Variants in CPT1C observed in about 807,000 individuals in gnomAD.
CPT1C encodes carnitine palmitoyltransferase 1C, also known as palmitoyl thioesterase CPT1C.
A neutral mutation model predicts 97.3 loss-of-function variants in CPT1C; 61 were observed. The observed-to-expected ratio is 0.63, with a 90% confidence interval of 0.51 to 0.78. The LOEUF (loss-of-function observed/expected upper bound fraction) is 0.78. CPT1C is among the 30% of genes least tolerant of loss of function. The probability of loss-of-function intolerance (pLI) is 0.00; values close to 1 mark genes in which losing one functional copy is unlikely to be tolerated. For synonymous variants in CPT1C, 469 were observed against 447.2 expected, an observed-to-expected ratio of 1.05 and a Z score of -0.61; for missense variants, 975 against 1,065.5, an observed-to-expected ratio of 0.92 and a Z score of 1.18.
At position 49,706,330 on chromosome 19, in the gene CPT1C, G is replaced by C. The variant is rs1417055006; in HGVS notation, c.1260G>C (p.Glu420Asp). 1.3e-6 allele frequency: 2 copies of C among 1,523,310 alleles called. No homozygotes were observed. The highest frequency in any genetic ancestry group is 2.9e-5 in the African/African-American group (2 of 69,920). The allele number at this position is 1,523,310 out of a possible 1,614,324, so 94.4% of individuals were successfully genotyped here. Reference protein sequence around the residue: ...GAAFFVSLDAEPAGLTREDPA... With the variant: ...GAAFFVSLDADPAGLTREDPA... ...CTTTCTTTGTGTCACTGGATGCTGA[G>C]CCCGCGGGGCTCACCAGGGAGGACC... is the stretch of plus-strand genomic sequence containing the variant. The change falls in exon 12 of 20, where the codon GAG (glutamate) becomes GAC (aspartate). Residue 420 changes from glutamate to aspartate, a missense_variant. This residue lies in a region of CPT1C where 596 missense variants were observed against 603.1 expected (regional missense o/e 0.99). Transcript: ENST00000598293. This position sits in a 1 kb window ranked among gnomAD's most constrained non-coding sequence, Gnocchi z 4.8.
At position 49,704,795 on chromosome 19, in the gene CPT1C, G is replaced by A; in HGVS notation, c.771+8G>A. On this transcript the variant is annotated splice_region_variant and intron_variant, in intron 8 of 19. Coordinates refer to ENST00000598293, the MANE Select transcript of CPT1C (RefSeq NM_001199753.2). ...AGCAACTATTACATGATGGTGAGAAGGGGAGGGGTGAGGTTCATAGGCCCC... is the reference window on the plus strand; with the variant it reads ...AGCAACTATTACATGATGGTGAGAAAGGGAGGGGTGAGGTTCATAGGCCCC... 1 of 1,613,656 alleles carries A rather than the reference G, an allele frequency of 6.2e-7. No homozygotes were observed.
At chr19:49,707,718 C>A in intron 13 of CPT1C, 95 bp downstream of exon 13, 1 of 772,398 alleles carries the variant, frequency 1.3e-6, no homozygotes, top group Non-Finnish European at 2.0e-6. Context: ...AAAACTGAGG[C>A]TTGGCCGGGC....
chr19:49,713,449 G>T lies in CPT1C; in HGVS notation c.2256G>T (p.Glu752Asp). ...TDSHRLGQHIEDALLDVASLF... is the reference protein window; with the variant it reads ...TDSHRLGQHIDDALLDVASLF... Reference sequence around the variant, plus strand: ...CCCACAGGCTGGGGCAGCACATTGAGGACGCACTGCTGGATGTGGCCTCCC... The same window carrying T: ...CCCACAGGCTGGGGCAGCACATTGATGACGCACTGCTGGATGTGGCCTCCC... The change falls in exon 20 of 20, where the codon GAG becomes GAT. Residue 752 changes from glutamate (E) to aspartate (D), a missense_variant. Physicochemically the swap from Glu to Asp is conservative, Grantham distance 45. Transcript: ENST00000598293. 6.2e-7 allele frequency: 1 copy of T among 1,613,936 alleles called. No homozygotes were observed. The highest frequency in any genetic ancestry group is 8.5e-7 in the Non-Finnish European group (1 of 1,179,880).
Position 49,694,675 on chromosome 19 carries a change from C to G in CPT1C, c.141+2282C>G, listed in dbSNP as rs192954572. ...GGTGGGAGCCGGCGGCCAGGAGGATCTCCTGAAGCTGGGATGCTTCAGCAG... is the reference window on the plus strand; with the variant it reads ...GGTGGGAGCCGGCGGCCAGGAGGATGTCCTGAAGCTGGGATGCTTCAGCAG... On this transcript the variant is annotated intron_variant, in intron 3 of 19. Transcript: ENST00000598293. 3.3e-5 allele frequency among the ~76,000 whole-genome samples: 5 copies of G among 150,624 alleles called. No homozygotes were observed. In the East Asian group the frequency reaches 9.8e-4, roughly 30 times the overall value.
Position 49,707,539 on chromosome 19 carries a change from C to G in CPT1C, c.1365C>G (p.Thr455=). 1 of 1,613,846 alleles carries G rather than the reference C, an allele frequency of 6.2e-7. No homozygotes were observed. Among genetic ancestry groups the G allele is most frequent in the South Asian group, 1.1e-5 (1 of 91,054 alleles). The change falls in exon 13 of 20, where the codon ACC becomes ACG. Residue 455 remains threonine (T), a synonymous_variant. Transcript: ENST00000598293. The part of the protein sequence containing the change: ...GHDRWFDKSF[T]LIVFSNGKLG... ...ACAGCTGGTTTGACAAATCCTTCAC[C>G]CTAATCGTCTTCTCTAACGGGAAGC...
Position 49,713,505 on chromosome 19 carries a change from G to T in CPT1C, c.2312G>T (p.Arg771Leu). The T allele has an allele frequency of 1.9e-6, 3 of 1,614,196 alleles. No individual in the cohort carries two copies. Among genetic ancestry groups the T allele is most frequent in the Non-Finnish European group, 2.5e-6 (3 of 1,180,034 alleles). ...LFQAGQHFKRRFRGSGKENSR... is the reference protein window; with the variant it reads ...LFQAGQHFKRLFRGSGKENSR... ...CAGGCGGGACAGCATTTTAAGCGCC[G>T]GTTCAGAGGGTCAGGGAAGGAGAAC... is the stretch of plus-strand genomic sequence containing the variant. Residue 771 changes from arginine (R) to leucine (L), a missense_variant, in exon 20 of 20, where the codon CGG (arginine) becomes CTG (leucine). Around this residue, in one of 3 missense-constraint regions of CPT1C, gnomAD observed 344 missense variants for 395.7 expected, o/e 0.87. Transcript: ENST00000598293.
chr19:49,712,912 G>C (rs775119048), intron 18 of CPT1C, 60 bp from the exon 19 acceptor site: 24 of 1,588,628 alleles, frequency 1.5e-5, no homozygotes, highest in Non-Finnish European at 2.0e-5. Context: ...CTGCACTCCT[G>C]CATAGTGGGG....
At chr19:49,695,424 C>T (rs1003133518) in intron 3 of CPT1C, among the ~76,000 whole-genome samples, 6 of 151,322 alleles carry the variant, frequency 4.0e-5, no homozygotes, top group Non-Finnish European at 8.8e-5. Context: ...GCTGAGATTA[C>T]AGGTGCCTGC....
At chr19:49,693,114 C>T (rs1313572340) in intron 3 of CPT1C, among the ~76,000 whole-genome samples, 1 of 152,218 alleles carries the variant, frequency 6.6e-6, no homozygotes. Context: ...TCTCGATCTC[C>T]TGACCTCAAG....
At position 49,710,436 on chromosome 19, in the gene CPT1C, C is replaced by G. The variant is rs1200769723; in HGVS notation, c.1683C>G (p.Leu561=). Reference sequence around the variant, plus strand: ...AGAGCTTCATCCGACGCTGCCACCTCTCTTCAGACAGCTTCATCCAGATCG... The same window carrying G: ...AGAGCTTCATCCGACGCTGCCACCTGTCTTCAGACAGCTTCATCCAGATCG... ...FGKSFIRRCH[L]SSDSFIQIAL... The change falls in exon 15 of 20, where the codon CTC becomes CTG. Residue 561 remains leucine, a synonymous_variant. Coordinates refer to ENST00000598293, the MANE Select transcript of CPT1C (RefSeq NM_001199753.2). 1 of 1,614,094 alleles carries G rather than the reference C, an allele frequency of 6.2e-7. No homozygotes were observed. The highest frequency in any genetic ancestry group is 1.3e-5 in the African/African-American group (1 of 74,944).
chr19:49,712,630 C>T (rs1338810165), intron 17 of CPT1C, 106 bp from the exon 18 acceptor site: 3 of 810,688 alleles, frequency 3.7e-6, no homozygotes, highest in South Asian at 1.5e-5. Flanking sequence ...GAAGGAGGCC[C>T]GGATTTACGG....
chr19:49,700,632 G>A (rs901737089), intron 4 of CPT1C, 52 bp from the exon 5 acceptor site: 4 of 1,578,830 alleles, frequency 2.5e-6, no homozygotes. Context: ...GGAAGGGAGG[G>A]AGGTTCTGAG....
In CPT1C at chr19:49,710,706, TCCTCCCTGTCCC is replaced by T. The variant is rs761692882; in HGVS notation, c.1732-14_1732-3del. 1 of 1,605,778 alleles carries T rather than the reference TCCTCCCTGTCCC, an allele frequency of 6.2e-7. No homozygotes were observed. The highest frequency in any genetic ancestry group is 1.1e-5 in the South Asian group (1 of 90,828). On this transcript the variant is annotated splice_region_variant and splice_polypyrimidine_tract_variant and intron_variant, in intron 15 of 19. Transcript: ENST00000598293. ...GAGCCCAGCTGACAGACTCCTCTTC[TCCTCCCTGTCCC>T]CCAGGACAGGGGTCAATTCTGCCTG...
intron 17 of CPT1C, chr19:49,712,438 A>C: frequency 2.4e-6 from 1 of 412,796 alleles, no homozygotes; most frequent in Admixed American, 4.0e-5. Context: ...CGGAGAGGCA[A>C]CGGGACAACG....
intron 3 of CPT1C, among the ~76,000 whole-genome samples, chr19:49,693,196 C>T (rs1054837267): frequency 7.2e-5 from 11 of 152,148 alleles, no homozygotes; most frequent in Non-Finnish European, 1.6e-4. Flanking sequence ...TGCTCTGTCC[C>T]TGTTCTGGAA....
chr19:49,701,450 C>CGGCCGGGGCG (rs2083050724), intron 6 of CPT1C, 32 bp downstream of exon 6: 1 of 1,587,266 alleles, frequency 6.3e-7, no homozygotes, highest in Admixed American at 1.7e-5. Context: ...CGGGCTGGGG[C>CGGCCGGGGCG]GGCCGGGGCG....
Position 49,710,769 on chromosome 19 carries a change from T to C in CPT1C, c.1778T>C (p.Leu593Ser), listed in dbSNP as rs2083820454. The C allele has an allele frequency of 6.2e-7, 1 of 1,614,050 alleles. No individual in the cohort carries two copies. Among genetic ancestry groups the C allele is most frequent in the Non-Finnish European group, 8.5e-7 (1 of 1,179,948 alleles). Residue 593 changes from leucine (L) to serine (S), a missense_variant, in exon 16 of 20, where the codon TTA (leucine) becomes TCA (serine). Coordinates refer to ENST00000598293, the MANE Select transcript of CPT1C (RefSeq NM_001199753.2). ...CLTYESAMTR[L>S]FLEGRTETVR... is the part of the protein sequence containing the mutation. The stretch of plus-strand genomic sequence containing the variant: ...ACTTATGAGTCGGCCATGACTCGCT[T>C]ATTCCTGGAAGGCCGGACGGAGACG...
At chr19:49,695,128 G>A (rs1291243647) in intron 3 of CPT1C, among the ~76,000 whole-genome samples, 3 of 151,666 alleles carry the variant, frequency 2.0e-5, no homozygotes, top group Admixed American at 6.6e-5. Flanking sequence ...GCAACAAAGC[G>A]AGACTCCGTC....
intron 19 of CPT1C, 40 bp downstream of exon 19, chr19:49,713,104 C>G (rs780100128): frequency 1.3e-6 from 2 of 1,533,034 alleles, no homozygotes; most frequent in Non-Finnish European, 1.8e-6. Context: ...CCTCTTTCCT[C>G]AGGAACCAGG....
Sources: allele counts gnomAD v4.1 joint callset (sites outside exome capture counted in the v4.1 genomes callset), GRCh38; gene constraint gnomAD v4.1.1; regional missense constraint gnomAD v4.1.1; non-coding constraint Gnocchi (gnomAD v3.1); transcripts MANE v1.5; gene names NCBI Gene and HGNC (gene_info 2026-07-23, HGNC 2026-07-21).